Variants in RXFP1 observed in about 807,000 individuals in gnomAD.
RXFP1 encodes relaxin family peptide receptor 1, also known as relaxin receptor 1.
Under a neutral mutation model 89.8 loss-of-function variants are expected in RXFP1, and 73 were observed. The ratio of observed to expected loss-of-function variants is 0.81; its 90% CI spans 0.67 to 0.99. The LOEUF (loss-of-function observed/expected upper bound fraction) is 0.99, where lower values mean the gene tolerates loss of function less well. RXFP1 is among the 50% of genes least tolerant of loss of function. The pLI, the probability that RXFP1 is intolerant of heterozygous loss-of-function variation, is 0.00. For missense variants in RXFP1, 793 were observed against 895.5 expected (o/e 0.89, Z 1.46); for synonymous variants, 277 against 305.5 (o/e 0.91, Z 0.97).
chr4:158,548,356 G>A (rs1416623570), intron 1 of RXFP1, among the ~76,000 whole-genome samples: 1 of 152,122 alleles, frequency 6.6e-6, no homozygotes, highest in Non-Finnish European at 1.5e-5. Flanking sequence ...CTGCATGTGA[G>A]ATGGGTTTCC....
rs967652954 is a variant in RXFP1 at position 158,548,201 on chromosome 4, G to A, written c.50-24497G>A. ...GTTGAATTGATCCCTTTACCATTATGTAATGGCCTTCTTTGTCTCTTTTGA... is the reference window on the plus strand; with the variant it reads ...GTTGAATTGATCCCTTTACCATTATATAATGGCCTTCTTTGTCTCTTTTGA... On this transcript the variant is annotated intron_variant, in intron 1 of 17. Transcript: ENST00000307765. Among the ~76,000 whole-genome samples, 7 of 152,326 alleles carry A rather than the reference G, an allele frequency of 4.6e-5. No homozygotes were observed. In the South Asian group the frequency reaches 1.0e-3, roughly 23 times the overall value.
At chr4:158,524,703 A>G (rs1358131012) in intron 1 of RXFP1, among the ~76,000 whole-genome samples, 1 of 152,200 alleles carries the variant, frequency 6.6e-6, no homozygotes, top group African/African-American at 2.4e-5. Context: ...GGACCTCTCT[A>G]TACTATTTTT....
intron 8 of RXFP1, among the ~76,000 whole-genome samples, chr4:158,616,639 G>A (rs1164239242): frequency 1.4e-5 from 2 of 143,534 alleles, no homozygotes; most frequent in Non-Finnish European, 3.0e-5. Context: ...TTACTATCAA[G>A]TATTTACATA....
At chr4:158,617,898 C>A (rs982302494) in intron 9 of RXFP1, among the ~76,000 whole-genome samples, 2 of 152,044 alleles carry the variant, frequency 1.3e-5, no homozygotes, top group Non-Finnish European at 2.9e-5. Context: ...TAGCAGATTA[C>A]AAATGTCAAA....
At chr4:158,632,221 C>G (rs1768183392) in intron 11 of RXFP1, among the ~76,000 whole-genome samples, 1 of 152,166 alleles carries the variant, frequency 6.6e-6, no homozygotes, top group Admixed American at 6.5e-5. Context: ...CAGCAATAGT[C>G]TCCAGGTTCA....
rs774207970 is a variant in RXFP1 at position 158,572,797 on chromosome 4, T to A, written c.149T>A (p.Val50Glu). Residue 50 changes from valine to glutamate, a missense_variant, in exon 2 of 18, where the codon GTG becomes GAG. Coordinates refer to ENST00000307765, the MANE Select transcript of RXFP1 (RefSeq NM_021634.4). ...CLPQLLHCNGVDDCGNQADED... is the reference protein window; with the variant it reads ...CLPQLLHCNGEDDCGNQADED... ...CCTCAGCTCCTGCACTGTAACGGTG[T>A]GGACGACTGCGGGAATCAGGCCGAT... 1 of 1,614,048 alleles carries A rather than the reference T, an allele frequency of 6.2e-7. No individual in the cohort carries two copies. Among genetic ancestry groups the A allele is most frequent in the South Asian group, 1.1e-5 (1 of 91,072 alleles).
At chr4:158,571,872 G>A (rs1423484348) in intron 1 of RXFP1, among the ~76,000 whole-genome samples, 2 of 152,152 alleles carry the variant, frequency 1.3e-5, no homozygotes, top group Non-Finnish European at 2.9e-5. Flanking sequence ...GGCGATTCCC[G>A]CTCCCTTTTC....
At chr4:158,525,876 A>T (rs1228893973) in intron 1 of RXFP1, among the ~76,000 whole-genome samples, 3 of 152,244 alleles carry the variant, frequency 2.0e-5, no homozygotes, top group African/African-American at 7.2e-5. Context: ...CTATCTCCTT[A>T]AAAAGCCTAT....
chr4:158,526,672 A>C (rs1309561829), intron 1 of RXFP1, among the ~76,000 whole-genome samples: 1 of 152,188 alleles, frequency 6.6e-6, no homozygotes, highest in African/African-American at 2.4e-5. Flanking sequence ...ATATTATTAG[A>C]TTTGTTGTTA....
rs1769563630 is a variant in RXFP1, at chr4:158,638,074, G to A, written c.1038G>A (p.Lys346=). The A allele has an allele frequency of 6.3e-7, 1 of 1,578,054 alleles. No homozygotes were observed. Among genetic ancestry groups the A allele is most frequent in the Non-Finnish European group, 8.7e-7 (1 of 1,148,916 alleles). Residue 346 remains lysine, a synonymous_variant, in exon 13 of 18, where the codon AAG becomes AAA. Transcript: ENST00000307765. ...ANQFDYLVKL[K]SLSLEGIEIS... is the part of the protein sequence containing the mutation. ...AATTTGATTATCTTGTCAAACTCAAGTCTCTGTAAGTATTCACATATGGGG... is the reference window on the plus strand; with the variant it reads ...AATTTGATTATCTTGTCAAACTCAAATCTCTGTAAGTATTCACATATGGGG...
At chr4:158,551,474 A>T (rs1274402674) in intron 1 of RXFP1, among the ~76,000 whole-genome samples, 2 of 152,196 alleles carry the variant, frequency 1.3e-5, no homozygotes, top group Non-Finnish European at 2.9e-5. Context: ...GTACACTTAA[A>T]AATTGCTAAG....
At chr4:158,581,370 T>C (rs542282883) in intron 2 of RXFP1, among the ~76,000 whole-genome samples, 27 of 152,314 alleles carry the variant, frequency 1.8e-4, no homozygotes, top group African/African-American at 6.3e-4. Context: ...TACCAAATGC[T>C]TGGCTTGTTC....
At chr4:158,601,604 G>T (rs371952929) in intron 4 of RXFP1, among the ~76,000 whole-genome samples, 1 of 152,176 alleles carries the variant, frequency 6.6e-6, no homozygotes, top group African/African-American at 2.4e-5. Context: ...CGTAGTCCCA[G>T]TCTGTTCAGT....
chr4:158,570,414 T>G (rs1240830341), intron 1 of RXFP1, among the ~76,000 whole-genome samples: 1 of 152,146 alleles, frequency 6.6e-6, no homozygotes, highest in African/African-American at 2.4e-5. Context: ...AGGATGGAAA[T>G]GAAGGCAAAT....
intron 17 of RXFP1, among the ~76,000 whole-genome samples, chr4:158,650,207 G>A (rs1021900168): frequency 3.9e-5 from 6 of 151,970 alleles, no homozygotes; most frequent in Admixed American, 2.6e-4. Context: ...AACATAGAAC[G>A]GTGTTTTCTA....
chr4:158,589,533 G>A (rs1237068890), intron 2 of RXFP1, among the ~76,000 whole-genome samples: 2 of 152,140 alleles, frequency 1.3e-5, no homozygotes, highest in African/African-American at 4.8e-5. Flanking sequence ...GTAATGAAAG[G>A]GCCTGAGGAG....
chr4:158,596,173 T>G (rs1246321289), intron 3 of RXFP1, among the ~76,000 whole-genome samples: 1 of 151,890 alleles, frequency 6.6e-6, no homozygotes, highest in Admixed American at 6.6e-5. Context: ...ATAATTTAAC[T>G]GATAATATAA....
chr4:158,640,028 A>G (rs1316771509), intron 14 of RXFP1, among the ~76,000 whole-genome samples: 1 of 152,172 alleles, frequency 6.6e-6, no homozygotes, highest in African/African-American at 2.4e-5. Flanking sequence ...AACTGTGAGA[A>G]ATGAACATTT....
At chr4:158,648,351 T>A (rs1771973947) in intron 16 of RXFP1, 148 bp from the exon 17 acceptor site, 2 of 503,368 alleles carry the variant, frequency 4.0e-6, no homozygotes, top group East Asian at 6.7e-5. Context: ...TAGTAATTCT[T>A]TGTGAAGAAA....
Sources: allele counts gnomAD v4.1 joint callset (sites outside exome capture counted in the v4.1 genomes callset), GRCh38; gene constraint gnomAD v4.1.1; transcripts MANE v1.5; gene names NCBI Gene and HGNC (gene_info 2026-07-23, HGNC 2026-07-21).